Variants in GTF2I observed in about 807,000 individuals in gnomAD.
GTF2I encodes general transcription factor IIi.
A neutral mutation model predicts 67.6 loss-of-function variants in GTF2I; 12 were observed. That is an observed-to-expected ratio of 0.18 (90% CI 0.11 to 0.29). The LOEUF is 0.29. Among genes scored for constraint, GTF2I ranks in the 10% least tolerant of loss-of-function variants. GTF2I has a pLI of 1.00. For synonymous variants in GTF2I, 149 were observed against 197.0 expected (o/e 0.76, Z 2.04); for missense variants, 271 against 580.1 (o/e 0.47, Z 5.47).
intron 5 of GTF2I, 74 bp downstream of exon 5, chr7:74,700,504 T>C: frequency 6.3e-7 from 1 of 1,597,332 alleles, no homozygotes; most frequent in Non-Finnish European, 8.6e-7. Flanking sequence ...TACGTTAATG[T>C]ATTTTTAAAA....
At chr7:74,692,547 T>C (rs925065019) in intron 3 of GTF2I, among the ~76,000 whole-genome samples, 12 of 152,228 alleles carry the variant, frequency 7.9e-5, no homozygotes, top group Admixed American at 6.5e-4. Context: ...GGTGAGCTTA[T>C]TTGACATTGG....
At chr7:74,668,471 A>G (rs1038774242) in intron 1 of GTF2I, among the ~76,000 whole-genome samples, 1 of 151,986 alleles carries the variant, frequency 6.6e-6, no homozygotes, top group Admixed American at 6.6e-5. Flanking sequence ...GACAGAGCCT[A>G]GGAAGTTTTC....
chr7:74,747,764 C>G (rs1216101966), intron 23 of GTF2I, among the ~76,000 whole-genome samples: 2 of 39,286 alleles, frequency 5.1e-5, no homozygotes, highest in African/African-American at 1.9e-4. Flanking sequence ...TGCACTCCAG[C>G]CTGGGCAACA....
At chr7:74,697,933 T>G (rs587735473) in intron 3 of GTF2I, among the ~76,000 whole-genome samples, 74 of 64,346 alleles carry the variant, frequency 1.2e-3, no homozygotes, top group African/African-American at 5.0e-3. Flanking sequence ...CATGCCCAGC[T>G]AATTTTTGTA....
At chr7:74,706,996 T>TAC (rs782230269) in intron 8 of GTF2I, among the ~76,000 whole-genome samples, 11 of 152,178 alleles carry the variant, frequency 7.2e-5, no homozygotes, top group Non-Finnish European at 1.3e-4. Flanking sequence ...ATTACAGGCA[T>TAC]ACGCCATCAC....
At chr7:74,724,873 A>G (rs587609501) in intron 12 of GTF2I, among the ~76,000 whole-genome samples, 1 of 152,286 alleles carries the variant, frequency 6.6e-6, no homozygotes, top group East Asian at 1.9e-4. Flanking sequence ...GTGAGCCAAG[A>G]TCGTGCCACT....
chr7:74,705,336 T>C, intron 7 of GTF2I, 118 bp downstream of exon 7: 1 of 680,030 alleles, frequency 1.5e-6, no homozygotes, highest in Non-Finnish European at 2.6e-6. Context: ...TAAAGTTTAA[T>C]AGGCAAGGAT....
At chr7:74,732,969 A>G (rs1794617081) in intron 15 of GTF2I, among the ~76,000 whole-genome samples, 1 of 151,524 alleles carries the variant, frequency 6.6e-6, no homozygotes, top group Non-Finnish European at 1.5e-5. Context: ...TGATATATAT[A>G]TATATTTTTT....
At chr7:74,725,627 G>C (rs111248318) in intron 12 of GTF2I, among the ~76,000 whole-genome samples, 1 of 152,094 alleles carries the variant, frequency 6.6e-6, no homozygotes, top group African/African-American at 2.4e-5. Context: ...CTGGGAAGTC[G>C]AGGCTGCAGT....
At chr7:74,697,091 G>A (rs1275671581) in intron 3 of GTF2I, among the ~76,000 whole-genome samples, 1 of 152,054 alleles carries the variant, frequency 6.6e-6, no homozygotes, top group Non-Finnish European at 1.5e-5. Context: ...ATTTCAACAT[G>A]TAATCAATTT....
At chr7:74,706,980 G>A (rs1554401588) in intron 8 of GTF2I, among the ~76,000 whole-genome samples, 1 of 152,152 alleles carries the variant, frequency 6.6e-6, no homozygotes, top group African/African-American at 2.4e-5. Context: ...CTCCCGAGTA[G>A]CTGGGATTAC....
Position 74,731,552 on chromosome 7 carries a change from G to GT in GTF2I, c.1121-913dup, listed in dbSNP as rs797038025. On this transcript the variant is annotated intron_variant, in intron 14 of 34. Coordinates refer to ENST00000573035, the MANE Select transcript of GTF2I (RefSeq NM_032999.4). Reference sequence around the variant, plus strand: ...GTTTTTTGTTTTTTGTTTTGTTGTTGTTTTTTTTTTTTTTGAGATAGAGTT... The same window carrying GT: ...GTTTTTTGTTTTTTGTTTTGTTGTTGTTTTTTTTTTTTTTTGAGATAGAGTT... Among the ~76,000 whole-genome samples, 170 of 136,398 alleles carry GT rather than the reference G, an allele frequency of 1.2e-3. 1 individual carries two copies. The highest frequency in any genetic ancestry group is 0.012 in the South Asian group (52 of 4,262). 89.5% of individuals were successfully genotyped at this position (136,398 alleles called of 152,430 possible).
chr7:74,738,973 G>A (rs1315186047), intron 19 of GTF2I, among the ~76,000 whole-genome samples: 1 of 15,804 alleles, frequency 6.3e-5, no homozygotes, highest in African/African-American at 1.6e-4. Flanking sequence ...TTCAATGAAT[G>A]ATGTTATTTT....
At chr7:74,694,415 C>G (rs1788682278) in intron 3 of GTF2I, among the ~76,000 whole-genome samples, 1 of 152,098 alleles carries the variant, frequency 6.6e-6, no homozygotes. Flanking sequence ...GGTGAAACCC[C>G]GTCTCTTCTA....
chr7:74,699,279 G>C (rs1360932351), intron 4 of GTF2I, among the ~76,000 whole-genome samples, 184 bp downstream of exon 4: 7 of 151,660 alleles, frequency 4.6e-5, no homozygotes, highest in Non-Finnish European at 1.5e-5. Flanking sequence ...GTGGCCAGTA[G>C]AGCTGTTTCT....
chr7:74,725,819 T>G (rs1281675644), intron 12 of GTF2I, among the ~76,000 whole-genome samples: 6 of 152,096 alleles, frequency 3.9e-5, no homozygotes, highest in Non-Finnish European at 4.4e-5. Context: ...AAAAAAGCAC[T>G]CTAGTAGATT....
chr7:74,670,464 AGGTG>A (rs1209185505), intron 1 of GTF2I, among the ~76,000 whole-genome samples: 4 of 152,072 alleles, frequency 2.6e-5, no homozygotes, highest in African/African-American at 9.7e-5. Flanking sequence ...TGGGAGGCCG[AGGTG>A]GGTGGATCAT....
At position 74,698,957 on chromosome 7, in the gene GTF2I, A is replaced by C; in HGVS notation, c.239-4A>C. On this transcript the variant is annotated splice_polypyrimidine_tract_variant and splice_region_variant and intron_variant, in intron 3 of 34. Transcript: ENST00000573035. ...TTTTATTTTATTTTTTATTTTTTTT[A>C]CAGGTGTTGAAGAAGAAGAAAAAGC... The C allele has an allele frequency of 1.6e-6, 2 of 1,277,980 alleles. No homozygotes were observed. Among genetic ancestry groups the C allele is most frequent in the Non-Finnish European group, 2.1e-6 (2 of 967,578 alleles). The allele number at this position is 1,277,980 out of a possible 1,614,324, so 79.2% of individuals were successfully genotyped here. A position where few individuals can be genotyped will look rare whatever the true frequency, so the allele number is the denominator to read the frequency against.
chr7:74,716,965 A>G lies in GTF2I; in HGVS notation c.880+15A>G. On this transcript the variant is annotated intron_variant, in intron 11 of 34. Coordinates refer to ENST00000573035, the MANE Select transcript of GTF2I (RefSeq NM_032999.4). ...ACCAGCAGAAGGTTAGGAGAAAAAG[A>G]GATTGCATATTTTCCACTATTTGTT... 1 of 1,590,804 alleles carries G rather than the reference A, an allele frequency of 6.3e-7. No individual in the cohort carries two copies. The highest frequency in any genetic ancestry group is 1.3e-5 in the African/African-American group (1 of 74,554).
Sources: allele counts gnomAD v4.1 joint callset (sites outside exome capture counted in the v4.1 genomes callset), GRCh38; gene constraint gnomAD v4.1.1; transcripts MANE v1.5; gene names NCBI Gene and HGNC (gene_info 2026-07-23, HGNC 2026-07-21).